CTNNA2: variants seen among roughly 807,000 people sequenced by gnomAD.
The protein encoded by CTNNA2 is catenin alpha 2, also known as catenin alpha-2.
In CTNNA2, 42 loss-of-function variants were observed where a neutral mutation model predicts 101.0. The ratio of observed to expected loss-of-function variants is 0.42; its 90% confidence interval spans 0.32 to 0.54. The LOEUF is 0.54. Ranked by LOEUF, CTNNA2 falls within the 20% of genes least tolerant of loss-of-function variation. CTNNA2 has a pLI of 0.14. For missense variants in CTNNA2, 871 were observed against 1,223.1 expected, an observed-to-expected ratio of 0.71 and a Z score of 4.29; for synonymous variants, 450 against 456.4, an observed-to-expected ratio of 0.99 and a Z score of 0.18.
chr2:80,520,535 C>T (rs933022906), intron 9 of CTNNA2, among the ~76,000 whole-genome samples: 2 of 152,126 alleles, frequency 1.3e-5, no homozygotes, highest in Admixed American at 6.6e-5. Flanking sequence ...CTAGCATGGT[C>T]GGGTTCTGAT....
chr2:80,370,364 G>T (rs1675331427), intron 7 of CTNNA2, among the ~76,000 whole-genome samples: 1 of 151,970 alleles, frequency 6.6e-6, no homozygotes, highest in South Asian at 2.1e-4. Context: ...GTGTGTTTGT[G>T]GAAAGGGGGG....
rs149724117 is a variant in CTNNA2, at chr2:79,375,830, G to A, written c.-135+1817G>A. On this transcript the variant is annotated intron_variant, in intron 4 of 21. Coordinates refer to the CTNNA2 transcript ENST00000466387. ...TTCTTTCAAAGAGGCTGAACTACAG[G>A]CCATTTTACCCAAACTCATACATTC... Among the ~76,000 whole-genome samples, 1,319 of 152,176 alleles carry A rather than the reference G, an allele frequency of 8.7e-3. 11 individuals are homozygous for A. The highest frequency in any genetic ancestry group is 0.03 in the African/African-American group (1,254 of 41,520).
At chr2:80,546,200 C>A in intron 11 of CTNNA2, 137 bp downstream of exon 11, 1 of 1,044,546 alleles carries the variant, frequency 9.6e-7, no homozygotes, top group Non-Finnish European at 1.4e-6. Flanking sequence ...ATCATCTCTG[C>A]AAATGTGATT....
At position 80,013,490 on chromosome 2, in the gene CTNNA2, T is replaced by C. The variant is rs115279584; in HGVS notation, c.1056+103693T>C. ...AAACTAGCAGGCATTCATTGACTAT[T>C]TCCCCTACATCACACTGAACTTACA... On this transcript the variant is annotated intron_variant, in intron 7 of 18. Transcript: ENST00000402739. Among the ~76,000 whole-genome samples, 675 of 152,286 alleles carry C rather than the reference T, an allele frequency of 4.4e-3. 8 individuals are homozygous for C. The highest frequency in any genetic ancestry group is 0.015 in the African/African-American group (636 of 41,558).
intron 13 of CTNNA2, among the ~76,000 whole-genome samples, chr2:80,578,543 A>T (rs1695260240): frequency 6.6e-6 from 1 of 152,170 alleles, no homozygotes; most frequent in African/African-American, 2.4e-5. Flanking sequence ...CACGAGTAGG[A>T]GACACACTCA....
chr2:80,213,759 T>C (rs1558909236), intron 7 of CTNNA2, among the ~76,000 whole-genome samples: 2 of 152,202 alleles, frequency 1.3e-5, no homozygotes, highest in African/African-American at 2.4e-5. Context: ...GTTCAATTCC[T>C]GGGTATCCTT....
chr2:79,317,461 T>C (rs1486476337), intron 3 of CTNNA2, among the ~76,000 whole-genome samples: 1 of 152,022 alleles, frequency 6.6e-6, no homozygotes, highest in African/African-American at 2.4e-5. Flanking sequence ...TGGACTCTGC[T>C]CAGCCAGAAT....
At chr2:80,039,879 GT>G (rs545035308) in intron 7 of CTNNA2, among the ~76,000 whole-genome samples, 75 of 152,264 alleles carry the variant, frequency 4.9e-4, no homozygotes, top group Admixed American at 3.8e-3. Context: ...GTGAATAATT[GT>G]TTGGTAATTT....
chr2:80,549,707 A>G (rs975880059), intron 11 of CTNNA2, among the ~76,000 whole-genome samples: 51 of 151,926 alleles, frequency 3.4e-4, no homozygotes, highest in African/African-American at 1.2e-3. Flanking sequence ...TCTTTACTTC[A>G]TGAATTCTTT....
intron 2 of CTNNA2, among the ~76,000 whole-genome samples, chr2:79,247,003 G>T (rs192425741): frequency 6.6e-6 from 1 of 152,332 alleles, no homozygotes; most frequent in Admixed American, 6.5e-5. Flanking sequence ...ATCACTCACA[G>T]GATAGAGTAT....
rs1439131418 is a variant in CTNNA2, at chr2:79,542,237, G to A, written c.-6+29030G>A. The stretch of plus-strand genomic sequence containing the variant: ...ATTAATCCCCATTTTTCATCCCCTA[G>A]TATGGGCTATTTCTTCAGCCCTTCA... On this transcript the variant is annotated intron_variant, in intron 1 of 18. Coordinates refer to ENST00000402739, the MANE Select transcript of CTNNA2 (RefSeq NM_001282597.3). Among the ~76,000 whole-genome samples, 4 of 152,122 alleles carry A rather than the reference G, an allele frequency of 2.6e-5. No individual in the cohort carries two copies. In the East Asian group the frequency reaches 7.7e-4, roughly 29 times the overall value.
At chr2:79,530,951 T>C (rs1451506085) in intron 1 of CTNNA2, among the ~76,000 whole-genome samples, 2 of 151,994 alleles carry the variant, frequency 1.3e-5, no homozygotes, top group Admixed American at 1.3e-4. Context: ...TTTAACACTT[T>C]TTAAAACTTT....
At chr2:80,413,493 T>C (rs1175985074) in intron 8 of CTNNA2, among the ~76,000 whole-genome samples, 2 of 152,198 alleles carry the variant, frequency 1.3e-5, no homozygotes, top group African/African-American at 4.8e-5. Context: ...CGCTACCTGC[T>C]CCCACCCCAA....
intron 2 of CTNNA2, among the ~76,000 whole-genome samples, chr2:79,729,546 A>G (rs1469682940): frequency 1.3e-5 from 2 of 152,134 alleles, no homozygotes; most frequent in African/African-American, 4.8e-5. Flanking sequence ...CAGAAATGCT[A>G]ATACCAGTTT....
At chr2:80,055,194 CT>C (rs1277346900) in intron 7 of CTNNA2, among the ~76,000 whole-genome samples, 2 of 151,960 alleles carry the variant, frequency 1.3e-5, no homozygotes, top group Non-Finnish European at 2.9e-5. Flanking sequence ...GCTCAGCTCA[CT>C]TCTTTTCATT....
chr2:80,511,096 G>A (rs1688670480), intron 9 of CTNNA2, among the ~76,000 whole-genome samples: 1 of 152,028 alleles, frequency 6.6e-6, no homozygotes, highest in African/African-American at 2.4e-5. Flanking sequence ...TTTTGCTTTG[G>A]GTATCCAGTC....
intron 7 of CTNNA2, among the ~76,000 whole-genome samples, chr2:80,370,205 T>C (rs970986938): frequency 2.6e-5 from 4 of 152,032 alleles, no homozygotes; most frequent in African/African-American, 9.7e-5. Flanking sequence ...AGTGCAGCCA[T>C]TGTATCCTAT....
chr2:79,536,644 T>C (rs143835320), intron 1 of CTNNA2, among the ~76,000 whole-genome samples: 1 of 151,440 alleles, frequency 6.6e-6, no homozygotes, highest in East Asian at 1.9e-4. Flanking sequence ...TGCTTTGAGC[T>C]CATCCCCTAC....
At position 79,338,578 on chromosome 2, in the gene CTNNA2, A is replaced by ATCTTCTTCTTCT. The variant is rs70940029; in HGVS notation, c.-318+25836_-318+25847dup. ...TTTCTTCTTCTTCTTCCTCCTCATC[A>ATCTTCTTCTTCT]TCTTCTTCTTCTTCTTCTTCTTCTT... On this transcript the variant is annotated intron_variant, in intron 3 of 21. Coordinates refer to the CTNNA2 transcript ENST00000466387. Among the ~76,000 whole-genome samples the ATCTTCTTCTTCT allele has an allele frequency of 4.2e-3, 495 of 117,776 alleles. 8 individuals carry two copies. Among genetic ancestry groups the ATCTTCTTCTTCT allele is most frequent in the Middle Eastern group, 8.8e-3 (2 of 228 alleles). 77.3% of individuals were successfully genotyped at this position (117,776 alleles called of 152,430 possible).
Sources: gnomAD v4.1 joint callset for allele counts (sites outside exome capture counted in the v4.1 genomes callset) on GRCh38, gnomAD v4.1.1 for gene constraint, MANE v1.5 for transcripts, NCBI Gene and HGNC (gene_info 2026-07-23, HGNC 2026-07-21) for gene names.